The following CACNA1C variants were observed in gnomAD, a reference collection of about 807,000 sequenced individuals.
CACNA1C encodes voltage-dependent L-type calcium channel subunit alpha-1C.
Under a neutral mutation model 229.0 loss-of-function variants are expected in CACNA1C, and 30 were observed. That is an observed-to-expected ratio of 0.13 (90% CI 0.10 to 0.18). The LOEUF (loss-of-function observed/expected upper bound fraction) is 0.18, where lower values mean the gene tolerates loss of function less well. Among genes scored for constraint, CACNA1C ranks in the 10% least tolerant of loss-of-function variants. The probability of loss-of-function intolerance (pLI) is 1.00; values close to 1 mark genes in which losing one functional copy is unlikely to be tolerated. For synonymous variants in CACNA1C, 1,114 were observed against 1,132.5 expected, an observed-to-expected ratio of 0.98 and a Z score of 0.33; for missense variants, 1,658 against 2,845.0, an observed-to-expected ratio of 0.58 and a Z score of 9.49.
rs760230152 is a variant in CACNA1C at position 2,507,664 on chromosome 12, G to T, written c.1217+2719G>T. 7.2e-5 allele frequency among the ~76,000 whole-genome samples: 11 copies of T among 152,316 alleles called. 1 individual carries two copies. The highest frequency in any genetic ancestry group is 1.3e-4 in the Admixed American group (2 of 15,302). On this transcript the variant is annotated intron_variant, in intron 8 of 46. Coordinates refer to ENST00000399655, the MANE Select transcript of CACNA1C (RefSeq NM_000719.7). ...GTCAGGCTCCGTGCTCGGCGTGTTCGCTAGATTCGCTCAGTTAATGCTCAT... is the reference window on the plus strand; with the variant it reads ...GTCAGGCTCCGTGCTCGGCGTGTTCTCTAGATTCGCTCAGTTAATGCTCAT...
intron 1 of CACNA1C, among the ~76,000 whole-genome samples, chr12:2,081,333 G>A (rs1156953101): frequency 7.5e-6 from 1 of 133,234 alleles, no homozygotes; most frequent in Non-Finnish European, 1.6e-5. Context: ...CACTCTGGGA[G>A]GCTGAGGTGG....
intron 3 of CACNA1C, among the ~76,000 whole-genome samples, chr12:2,130,202 T>C (rs1457623695): frequency 6.6e-6 from 1 of 151,462 alleles, no homozygotes; most frequent in African/African-American, 2.4e-5. Flanking sequence ...TCTTTTTTTT[T>C]TTTTTTTTTT....
intron 14 of CACNA1C, 148 bp downstream of exon 14, chr12:2,581,945 T>C: frequency 1.8e-6 from 1 of 551,296 alleles, no homozygotes; most frequent in Non-Finnish European, 3.2e-6. Context: ...GAGTCTTGAG[T>C]TTTTTCTGTA....
At chr12:2,578,715 A>G (rs753355985) in intron 13 of CACNA1C, among the ~76,000 whole-genome samples, 1 of 152,168 alleles carries the variant, frequency 6.6e-6, no homozygotes, top group Non-Finnish European at 1.5e-5. Flanking sequence ...GAGACGGGGA[A>G]GGTGATGGGT....
At chr12:2,316,828 G>T (rs2095715419) in intron 3 of CACNA1C, among the ~76,000 whole-genome samples, 1 of 152,208 alleles carries the variant, frequency 6.6e-6, no homozygotes. Context: ...CATGTGCACA[G>T]GCACAAAAAG....
At chr12:2,031,849 C>T (rs1293224173) in intron 1 of CACNA1C, among the ~76,000 whole-genome samples, 1 of 152,144 alleles carries the variant, frequency 6.6e-6, no homozygotes, top group East Asian at 1.9e-4. Context: ...GCCTCCTGAG[C>T]AACAGTGGCA....
intron 1 of CACNA1C, among the ~76,000 whole-genome samples, chr12:2,028,564 G>A (rs765000546): frequency 1.3e-5 from 2 of 152,076 alleles, no homozygotes; most frequent in Non-Finnish European, 2.9e-5. Flanking sequence ...GGTCCTATCA[G>A]CACCAACGTT....
intron 3 of CACNA1C, among the ~76,000 whole-genome samples, chr12:2,351,121 G>C (rs927004618): frequency 6.6e-6 from 1 of 152,180 alleles, no homozygotes; most frequent in African/African-American, 2.4e-5. Context: ...TTGACATTTG[G>C]GGATGGATAA....
intron 3 of CACNA1C, among the ~76,000 whole-genome samples, chr12:2,142,246 C>CACAT (rs2094300672): frequency 6.6e-6 from 1 of 151,168 alleles, no homozygotes; most frequent in African/African-American, 2.4e-5. Flanking sequence ...AAGGACAGAG[C>CACAT]ACATGTACGA....
At chr12:2,405,811 C>T (rs567768253) in intron 3 of CACNA1C, among the ~76,000 whole-genome samples, 14 of 152,294 alleles carry the variant, frequency 9.2e-5, no homozygotes, top group African/African-American at 3.4e-4. Flanking sequence ...CTAGAGGAGA[C>T]AGAAAGTGTA....
chr12:2,481,690 C>T (rs1213578110), intron 5 of CACNA1C, among the ~76,000 whole-genome samples: 1 of 152,238 alleles, frequency 6.6e-6, no homozygotes, highest in African/African-American at 2.4e-5. Flanking sequence ...TGCATGGAAC[C>T]GTATGTTCCA....
At chr12:2,370,138 T>C (rs957489135) in intron 3 of CACNA1C, among the ~76,000 whole-genome samples, 10 of 152,148 alleles carry the variant, frequency 6.6e-5, no homozygotes, top group African/African-American at 2.4e-4. Flanking sequence ...GCCTCACTAG[T>C]AAAATAGAAA....
chr12:2,273,879 A>C (rs901550394), intron 3 of CACNA1C, among the ~76,000 whole-genome samples: 3 of 152,218 alleles, frequency 2.0e-5, no homozygotes, highest in Admixed American at 6.5e-5. Context: ...ATGCCTGGAC[A>C]GCACGTGTGT....
intron 1 of CACNA1C, among the ~76,000 whole-genome samples, chr12:2,072,189 A>G (rs979817363): frequency 6.7e-6 from 1 of 149,600 alleles, no homozygotes; most frequent in East Asian, 2.0e-4. Flanking sequence ...ACAAATATAT[A>G]TATATACAAA....
At chr12:2,351,856 T>C (rs2097211274) in intron 3 of CACNA1C, among the ~76,000 whole-genome samples, 1 of 151,882 alleles carries the variant, frequency 6.6e-6, no homozygotes, top group East Asian at 1.9e-4. Flanking sequence ...ACACCGTGGG[T>C]CTGGAAATTA....
intron 1 of CACNA1C, among the ~76,000 whole-genome samples, chr12:1,980,223 A>G (rs1404866278): frequency 2.0e-5 from 3 of 152,242 alleles, no homozygotes; most frequent in African/African-American, 7.2e-5. Flanking sequence ...TCAAGTATCT[A>G]TCGATAGGAG....
intron 3 of CACNA1C, among the ~76,000 whole-genome samples, chr12:2,174,416 G>T (rs2096585203): frequency 6.6e-6 from 1 of 152,098 alleles, no homozygotes; most frequent in East Asian, 1.9e-4. Context: ...TATAAGACAG[G>T]TAGTTTTTAT....
At chr12:2,464,229 C>T (rs191214662) in intron 5 of CACNA1C, among the ~76,000 whole-genome samples, 46 of 152,278 alleles carry the variant, frequency 3.0e-4, no homozygotes, top group Admixed American at 2.1e-3. Context: ...TTGGAAGACA[C>T]TCATCATGAA....
intron 1 of CACNA1C, among the ~76,000 whole-genome samples, chr12:2,028,256 G>A (rs1326158409): frequency 6.6e-6 from 1 of 152,166 alleles, no homozygotes; most frequent in Non-Finnish European, 1.5e-5. Context: ...CATGGAGAGC[G>A]GGTCTGCATC....
Sources: gnomAD v4.1 joint callset for allele counts (sites outside exome capture counted in the v4.1 genomes callset) on GRCh38, gnomAD v4.1.1 for gene constraint, MANE v1.5 for transcripts, NCBI Gene and HGNC (gene_info 2026-07-23, HGNC 2026-07-21) for gene names.